The following NKAIN2 variants were observed in gnomAD, a reference collection of about 807,000 sequenced individuals.
NKAIN2 encodes sodium/potassium-transporting ATPase subunit beta-1-interacting protein 2.
Under a neutral mutation model 32.6 loss-of-function variants are expected in NKAIN2, and 14 were observed. That is an observed-to-expected ratio of 0.43 (90% CI 0.28 to 0.67). The LOEUF (loss-of-function observed/expected upper bound fraction) is 0.67. NKAIN2 is among the 30% of genes least tolerant of loss of function. The pLI is 0.17. For synonymous variants in NKAIN2, 80 were observed against 87.2 expected, an observed-to-expected ratio of 0.92 and a Z score of 0.46; for missense variants, 198 against 258.3, an observed-to-expected ratio of 0.77 and a Z score of 1.60.
At chr6:124,334,710 C>T (rs919404114) in intron 2 of NKAIN2, among the ~76,000 whole-genome samples, 4 of 139,226 alleles carry the variant, frequency 2.9e-5, no homozygotes, top group Non-Finnish European at 4.6e-5. Context: ...AGTGATCTTG[C>T]GGCATCTAGC....
chr6:124,464,808 C>G (rs368682079), intron 3 of NKAIN2, among the ~76,000 whole-genome samples: 7 of 152,016 alleles, frequency 4.6e-5, no homozygotes, highest in African/African-American at 1.2e-4. Context: ...GTGATGCCTC[C>G]AGTTTTGTTC....
At chr6:123,928,016 A>C (rs1024277931) in intron 1 of NKAIN2, among the ~76,000 whole-genome samples, 1 of 152,126 alleles carries the variant, frequency 6.6e-6, no homozygotes, top group Non-Finnish European at 1.5e-5. Context: ...AGAGATAATG[A>C]GTTTCGGGGG....
intron 1 of NKAIN2, among the ~76,000 whole-genome samples, chr6:123,922,015 A>T (rs542459989): frequency 6.6e-6 from 1 of 152,258 alleles, no homozygotes; most frequent in South Asian, 2.1e-4. Flanking sequence ...TATGACTACG[A>T]TGCTGTGCCC....
intron 1 of NKAIN2, among the ~76,000 whole-genome samples, chr6:124,217,098 G>A (rs1017971492): frequency 1.3e-5 from 2 of 152,032 alleles, no homozygotes; most frequent in Non-Finnish European, 2.9e-5. Context: ...TGGCAAAATA[G>A]GAAATAATAG....
At chr6:124,028,087 C>T (rs1244523120) in intron 1 of NKAIN2, among the ~76,000 whole-genome samples, 1 of 152,026 alleles carries the variant, frequency 6.6e-6, no homozygotes, top group Non-Finnish European at 1.5e-5. Context: ...ATATCTTCAC[C>T]CTTAGTGTTA....
chr6:124,628,751 AC>A (rs1783452082), intron 3 of NKAIN2, among the ~76,000 whole-genome samples: 1 of 152,034 alleles, frequency 6.6e-6, no homozygotes, highest in African/African-American at 2.4e-5. Flanking sequence ...TCCTTGGGCC[AC>A]TTGTTTCCAT....
chr6:123,922,349 C>A (rs945363326), intron 1 of NKAIN2, among the ~76,000 whole-genome samples: 3 of 152,116 alleles, frequency 2.0e-5, no homozygotes, highest in Non-Finnish European at 4.4e-5. Flanking sequence ...TAAGTTTCAT[C>A]TGTATGTGCT....
In NKAIN2 at chr6:124,166,337, T is replaced by A. The variant is rs1342437224; in HGVS notation, c.55-116668T>A. 8.5e-5 allele frequency among the ~76,000 whole-genome samples: 13 copies of A among 152,102 alleles called. No individual in the cohort carries two copies. In the South Asian group the frequency reaches 1.0e-3, roughly 12 times the overall value. ...CTTCTTTTGAGAAGTGTCTGTTCATTTCCTTCGCCCACTTGTTGATGGGGT... is the reference window on the plus strand; with the variant it reads ...CTTCTTTTGAGAAGTGTCTGTTCATATCCTTCGCCCACTTGTTGATGGGGT... On this transcript the variant is annotated intron_variant, in intron 1 of 6. Coordinates refer to ENST00000368417, the MANE Select transcript of NKAIN2 (RefSeq NM_001040214.3).
At chr6:124,378,125 C>T (rs751761662) in intron 3 of NKAIN2, among the ~76,000 whole-genome samples, 4 of 152,084 alleles carry the variant, frequency 2.6e-5, no homozygotes, top group Non-Finnish European at 5.9e-5. Context: ...ACTGAAGGGG[C>T]CCCTGTGAAG....
chr6:124,343,432 T>A (rs956603748), intron 2 of NKAIN2, among the ~76,000 whole-genome samples: 4 of 151,034 alleles, frequency 2.6e-5, no homozygotes, highest in Admixed American at 2.0e-4. Flanking sequence ...GTTGAACTAG[T>A]TTACAGTCCC....
intron 4 of NKAIN2, among the ~76,000 whole-genome samples, chr6:124,723,616 G>A (rs2114638269): frequency 6.6e-6 from 1 of 152,260 alleles, no homozygotes; most frequent in Non-Finnish European, 1.5e-5. Context: ...GAAGACCTTA[G>A]GGACCAAAAT....
intron 1 of NKAIN2, among the ~76,000 whole-genome samples, chr6:124,056,040 T>C (rs1582548428): frequency 6.6e-6 from 1 of 152,102 alleles, no homozygotes; most frequent in Admixed American, 6.6e-5. Flanking sequence ...ATGCCTGCTC[T>C]CTTAATTCCA....
At chr6:124,678,424 T>C (rs1483921834) in intron 4 of NKAIN2, among the ~76,000 whole-genome samples, 1 of 152,182 alleles carries the variant, frequency 6.6e-6, no homozygotes, top group African/African-American at 2.4e-5. Context: ...TTTTCTCCTC[T>C]TTCTGGATAA....
chr6:124,587,629 A>C, intron 3 of NKAIN2, among the ~76,000 whole-genome samples: 1 of 152,166 alleles, frequency 6.6e-6, no homozygotes, highest in South Asian at 2.1e-4. Context: ...CCCCAGGCCC[A>C]GGGCCAGGTT....
At chr6:124,320,415 A>G (rs947396959) in intron 2 of NKAIN2, among the ~76,000 whole-genome samples, 3 of 152,206 alleles carry the variant, frequency 2.0e-5, no homozygotes, top group Admixed American at 2.0e-4. Context: ...CATTTGAATA[A>G]TGACATTTTG....
At chr6:124,433,813 C>G (rs187563679) in intron 3 of NKAIN2, among the ~76,000 whole-genome samples, 6 of 152,278 alleles carry the variant, frequency 3.9e-5, no homozygotes, top group Non-Finnish European at 7.4e-5. Flanking sequence ...TCGCCAGGAG[C>G]CTCTCCTTTC....
intron 3 of NKAIN2, among the ~76,000 whole-genome samples, chr6:124,570,169 T>G (rs1204269409): frequency 6.6e-6 from 1 of 152,162 alleles, no homozygotes; most frequent in Non-Finnish European, 1.5e-5. Flanking sequence ...AGCAAAGCAT[T>G]CAAAAGCTGA....
intron 2 of NKAIN2, among the ~76,000 whole-genome samples, chr6:124,338,091 C>T (rs1445351797): frequency 6.6e-6 from 1 of 152,110 alleles, no homozygotes; most frequent in Non-Finnish European, 1.5e-5. Context: ...GGGGAAAGGA[C>T]TCAACACTTT....
intron 1 of NKAIN2, among the ~76,000 whole-genome samples, chr6:124,019,144 C>T (rs1009452601): frequency 6.6e-6 from 1 of 152,132 alleles, no homozygotes; most frequent in Non-Finnish European, 1.5e-5. Context: ...GAAAGACCCA[C>T]CCACATGATT....
Sources: allele counts gnomAD v4.1 joint callset (sites outside exome capture counted in the v4.1 genomes callset), GRCh38; gene constraint gnomAD v4.1.1; transcripts MANE v1.5; gene names NCBI Gene and HGNC (gene_info 2026-07-23, HGNC 2026-07-21).